Variants in ERBB3 observed in about 807,000 individuals in gnomAD.
ERBB3 encodes erb-b2 receptor tyrosine kinase 3, also known as receptor tyrosine-protein kinase erbB-3.
In ERBB3, 96 loss-of-function variants were observed where a neutral mutation model predicts 156.7. That is an observed-to-expected ratio of 0.61 (90% CI 0.52 to 0.73). The LOEUF (loss-of-function observed/expected upper bound fraction) is 0.73. Among genes scored for constraint, ERBB3 ranks in the 30% least tolerant of loss-of-function variants. ERBB3 has a pLI of 0.00. For synonymous variants in ERBB3, 567 were observed against 632.0 expected, an observed-to-expected ratio of 0.90 and a Z score of 1.54; for missense variants, 1,406 against 1,709.4, an observed-to-expected ratio of 0.82 and a Z score of 3.13.
intron 2 of ERBB3, 91 bp from the exon 3 acceptor site, chr12:56,084,903 GT>G: frequency 1.9e-6 from 3 of 1,593,084 alleles, no homozygotes; most frequent in Non-Finnish European, 2.6e-6. Flanking sequence ...AATTAAAACA[GT>G]TAAAGAGTCT....
intron 9 of ERBB3, among the ~76,000 whole-genome samples, chr12:56,091,959 C>A (rs1565858818): frequency 6.6e-6 from 1 of 151,864 alleles, no homozygotes; most frequent in East Asian, 1.9e-4. Context: ...TGCCTGTAAT[C>A]TCAGCCCTTT....
rs779802097 is a variant in ERBB3, at chr12:56,100,242, C to T, written c.3198C>T (p.Cys1066=). Residue 1066 remains cysteine (C), a synonymous_variant, in exon 26 of 28, where the codon TGC becomes TGT. Coordinates refer to ENST00000267101, the MANE Select transcript of ERBB3 (RefSeq NM_001982.4). ...PMNQGNLGES[C]QESAVSGSSE... ...ACCAGGGTAATCTTGGGGAGTCTTG[C>T]CAGGTAAGTTCTGTTGCTGAGAGGC... 8.7e-6 allele frequency: 14 copies of T among 1,612,494 alleles called. 1 individual carries two copies. The South Asian group carries it at 1.5e-4, about 18-fold the overall frequency.
chr12:56,099,873 G>C lies in ERBB3; in HGVS notation c.2973G>C (p.Glu991Asp). Reference protein sequence around the residue: ...ESGPGIAPGPEPHGLTNKKLE... With the variant: ...ESGPGIAPGPDPHGLTNKKLE... ...GGCCTGGAATAGCCCCTGGGCCAGA[G>C]CCCCATGGTCTGACAAACAAGAAGC... Residue 991 changes from glutamate to aspartate, a missense_variant, in exon 25 of 28, where the codon GAG (glutamate) becomes GAC (aspartate). Glu to Asp is a conservative substitution (Grantham distance 45, BLOSUM62 2). Transcript: ENST00000267101. The C allele has an allele frequency of 6.2e-7, 1 of 1,614,218 alleles. No individual in the cohort carries two copies. Among genetic ancestry groups the C allele is most frequent in the African/African-American group, 1.3e-5 (1 of 75,058 alleles).
Position 56,099,060 on chromosome 12 carries a change from G to C in ERBB3, c.2839+155G>C, listed in dbSNP as rs139301776. 78 of 692,800 alleles carry C rather than the reference G, an allele frequency of 1.1e-4. No homozygotes were observed. The East Asian group carries it at 2.1e-3, about 18-fold the overall frequency. The allele number at this position is 692,800 out of a possible 1,614,324, so 42.9% of individuals were successfully genotyped here. A position where few individuals can be genotyped will look rare whatever the true frequency, so the allele number is the denominator to read the frequency against. On this transcript the variant is annotated intron_variant, in intron 23 of 27. Transcript: ENST00000267101. ...TACAACCTCCGCCTCTCGGGTTCAA[G>C]AGATTCTCCTGCTTCAGCCTCCGGA...
At chr12:56,080,505 C>A in intron 1 of ERBB3, 123 bp downstream of exon 1, 1 of 769,850 alleles carries the variant, frequency 1.3e-6, no homozygotes, top group Non-Finnish European at 2.1e-6. Context: ...CCCCGGTTTG[C>A]CAGGACCACC....
At chr12:56,090,749 C>G (rs969556369) in intron 9 of ERBB3, among the ~76,000 whole-genome samples, 2 of 152,082 alleles carry the variant, frequency 1.3e-5, no homozygotes, top group Non-Finnish European at 2.9e-5. Flanking sequence ...TTCTGGACCA[C>G]GTGAGGGTAA....
At chr12:56,093,310 T>C (rs776099242) in intron 11 of ERBB3, 35 bp from the exon 12 acceptor site, 1 of 1,556,366 alleles carries the variant, frequency 6.4e-7, no homozygotes, top group South Asian at 1.1e-5. Context: ...GTTCCCTTAG[T>C]AGTCTCTCCT....
chr12:56,099,693 C>T lies in ERBB3; in HGVS notation c.2885C>T (p.Ala962Val). 2 of 1,614,144 alleles carry T rather than the reference C, an allele frequency of 1.2e-6. No individual in the cohort carries two copies. The highest frequency in any genetic ancestry group is 1.7e-6 in the Non-Finnish European group (2 of 1,180,014). The change falls in exon 24 of 28, where the codon GCC (alanine) becomes GTC (valine). Residue 962 changes from alanine to valine, a missense_variant. Coordinates refer to ENST00000267101, the MANE Select transcript of ERBB3 (RefSeq NM_001982.4). ...ATTCGCCCAACCTTTAAAGAACTAG[C>T]CAATGAGTTCACCAGGATGGCCCGA... ...ENIRPTFKEL[A>V]NEFTRMARDP...
chr12:56,088,990 T>A, intron 9 of ERBB3, 122 bp downstream of exon 9: 1 of 1,344,966 alleles, frequency 7.4e-7, no homozygotes, highest in African/African-American at 1.4e-5. Context: ...TTCTAGCCTG[T>A]TACAAAGGAC....
intron 4 of ERBB3, 31 bp downstream of exon 4, chr12:56,086,687 G>T: frequency 1.2e-6 from 2 of 1,613,580 alleles, no homozygotes; most frequent in Non-Finnish European, 1.7e-6. Flanking sequence ...TTGCTCCCCA[G>T]TCCCACCAAA....
intron 4 of ERBB3, 53 bp downstream of exon 4, chr12:56,086,709 C>A (rs1311189831): frequency 8.1e-5 from 131 of 1,608,842 alleles, no homozygotes; most frequent in Non-Finnish European, 9.6e-5. Flanking sequence ...CAGAGTGACT[C>A]CCTTCTTTCC....
At position 56,093,792 on chromosome 12, in the gene ERBB3, G is replaced by C. The variant is rs2136810986; in HGVS notation, c.1509G>C (p.Leu503=). Residue 503 remains leucine, a synonymous_variant, in exon 13 of 28, where the codon CTG becomes CTC. Transcript: ENST00000267101. Reference sequence around the variant, plus strand: ...CAGAGGGCAAAGTGTGTGACCCACTGTGCTCCTCTGGGGGATGCTGGGGCC... The same window carrying C: ...CAGAGGGCAAAGTGTGTGACCCACTCTGCTCCTCTGGGGGATGCTGGGGCC... ...CVAEGKVCDP[L]CSSGGCWGPG... 1 of 1,614,076 alleles carries C rather than the reference G, an allele frequency of 6.2e-7. No individual in the cohort carries two copies.
Position 56,092,744 on chromosome 12 carries a change from C to T in ERBB3, c.1110-3C>T, listed in dbSNP as rs762905722. The stretch of plus-strand genomic sequence containing the variant: ...ATTGACTGGTTTCTACTGTTCTATT[C>T]AGAGACCCCTGGCACAAGATCCCTG... On this transcript the variant is annotated splice_polypyrimidine_tract_variant and splice_region_variant and intron_variant, in intron 9 of 27. Transcript: ENST00000267101. 6.2e-7 allele frequency: 1 copy of T among 1,612,320 alleles called. No individual in the cohort carries two copies. Among genetic ancestry groups the T allele is most frequent in the Non-Finnish European group, 8.5e-7 (1 of 1,178,490 alleles).
chr12:56,098,652 T>A (rs765217252), intron 22 of ERBB3, 77 bp downstream of exon 22: 1 of 1,567,966 alleles, frequency 6.4e-7, no homozygotes, highest in South Asian at 1.1e-5. Flanking sequence ...CCTCTTAGAA[T>A]CTCTAAGCAC....
chr12:56,091,287 T>TAAATA (rs1335921798), intron 9 of ERBB3, among the ~76,000 whole-genome samples: 3 of 61,412 alleles, frequency 4.9e-5, no homozygotes, highest in Admixed American at 2.1e-4. Context: ...TATATATATA[T>TAAATA]ATATATATAA....
intron 9 of ERBB3, chr12:56,089,244 A>G: frequency 2.4e-6 from 1 of 422,368 alleles, no homozygotes; most frequent in Non-Finnish European, 4.6e-6. Flanking sequence ...AGTGATCCCA[A>G]GTAGCTGGGA....
At chr12:56,089,410 CCTT>C (rs1459030826) in intron 9 of ERBB3, among the ~76,000 whole-genome samples, 4 of 152,178 alleles carry the variant, frequency 2.6e-5, no homozygotes, top group Non-Finnish European at 5.9e-5. Flanking sequence ...CACCCAACCT[CCTT>C]CTTAAAGTTT....
Position 56,093,030 on chromosome 12 carries a change from A to G in ERBB3, c.1228A>G (p.Ser410Gly). 1 of 1,614,196 alleles carries G rather than the reference A, an allele frequency of 6.2e-7. No homozygotes were observed. The highest frequency in any genetic ancestry group is 2.2e-5 in the East Asian group (1 of 44,892). The stretch of plus-strand genomic sequence containing the variant: ...CTGGCCGCCCCACATGCACAACTTC[A>G]GTGTTTTTTCCAATTTGACAACCAT... ...QSWPPHMHNFSVFSNLTTIGG... is the reference protein window; with the variant it reads ...QSWPPHMHNFGVFSNLTTIGG... Residue 410 changes from serine to glycine, a missense_variant, in exon 11 of 28, where the codon AGT (serine) becomes GGT (glycine). Ser to Gly is a moderately conservative substitution (Grantham distance 56, BLOSUM62 0). This residue lies in a region of ERBB3 where 979 missense variants were observed against 1,219.6 expected (regional missense o/e 0.80). Transcript: ENST00000267101.
At chr12:56,101,436 G>C (rs2136829727) in intron 27 of ERBB3, 75 bp downstream of exon 27, 1 of 1,594,180 alleles carries the variant, frequency 6.3e-7, no homozygotes, top group South Asian at 1.1e-5. Flanking sequence ...TTTCTTCTCT[G>C]ATCATATGCC....
Sources: allele counts gnomAD v4.1 joint callset (sites outside exome capture counted in the v4.1 genomes callset), GRCh38; gene constraint gnomAD v4.1.1; regional missense constraint gnomAD v4.1.1; transcripts MANE v1.5; gene names NCBI Gene and HGNC (gene_info 2026-07-23, HGNC 2026-07-21).